Variants in LRMDA observed in about 807,000 individuals in gnomAD.
The protein encoded by LRMDA is leucine rich melanocyte differentiation associated, also known as leucine-rich melanocyte differentiation-associated protein.
A neutral mutation model predicts 29.8 loss-of-function variants in LRMDA; 18 were observed. The observed-to-expected ratio is 0.60, with a 90% CI of 0.42 to 0.90. The LOEUF is 0.90. Among genes scored for constraint, LRMDA ranks in the 40% least tolerant of loss-of-function variants. LRMDA has a pLI of 0.00. For missense variants in LRMDA, 273 were observed against 273.9 expected, an observed-to-expected ratio of 1.00 and a Z score of 0.02; for synonymous variants, 125 against 109.4, an observed-to-expected ratio of 1.14 and a Z score of -0.89.
intron 6 of LRMDA, among the ~76,000 whole-genome samples, chr10:76,372,911 T>C (rs979301058): frequency 2.0e-5 from 3 of 152,202 alleles, no homozygotes; most frequent in African/African-American, 7.2e-5. Flanking sequence ...AACTGTAGTC[T>C]ATGGAACACT....
intron 5 of LRMDA, among the ~76,000 whole-genome samples, chr10:76,120,489 A>C (rs1024080628): frequency 6.6e-6 from 1 of 152,132 alleles, no homozygotes; most frequent in South Asian, 2.1e-4. Context: ...TGCCTGGCCA[A>C]GTATGTGTTG....
At chr10:76,229,986 C>T (rs1328395354) in intron 5 of LRMDA, among the ~76,000 whole-genome samples, 1 of 152,018 alleles carries the variant, frequency 6.6e-6, no homozygotes, top group Non-Finnish European at 1.5e-5. Context: ...GCTGCCTTTC[C>T]CTGGAGCCCC....
intron 6 of LRMDA, among the ~76,000 whole-genome samples, chr10:76,425,789 T>C (rs1320174417): frequency 6.8e-6 from 1 of 147,942 alleles, no homozygotes; most frequent in African/African-American, 2.5e-5. Context: ...TGTGTGATGT[T>C]CCCCTTCCTG....
At chr10:75,543,224 C>T (rs555727426) in intron 2 of LRMDA, among the ~76,000 whole-genome samples, 2 of 152,334 alleles carry the variant, frequency 1.3e-5, no homozygotes, top group South Asian at 2.1e-4. Flanking sequence ...TTCCCTCTCT[C>T]GCATGAGGCC....
chr10:75,448,159 T>A (rs539135523), intron 2 of LRMDA, among the ~76,000 whole-genome samples: 7 of 152,344 alleles, frequency 4.6e-5, no homozygotes, highest in African/African-American at 1.7e-4. Flanking sequence ...ACTTGCAATA[T>A]AATTTAGAAA....
Position 76,422,016 on chromosome 10 carries a change from C to T in LRMDA, c.601+97531C>T, listed in dbSNP as rs372488238. 1.1e-4 allele frequency among the ~76,000 whole-genome samples: 17 copies of T among 152,274 alleles called. 1 individual carries two copies. The East Asian group carries it at 3.1e-3, about 28-fold the overall frequency. ...ATTTATTCCATGGGAAACTGGGCTG[C>T]AGACTTGGTGAGGACAGATCTATTT... On this transcript the variant is annotated intron_variant, in intron 6 of 6. Coordinates refer to ENST00000611255, the MANE Select transcript of LRMDA (RefSeq NM_001305581.2).
chr10:76,233,855 A>G (rs1392892640), intron 5 of LRMDA, among the ~76,000 whole-genome samples: 1 of 152,182 alleles, frequency 6.6e-6, no homozygotes, highest in East Asian at 1.9e-4. Context: ...TATTTCTACC[A>G]CATCTGCTGT....
intron 2 of LRMDA, among the ~76,000 whole-genome samples, chr10:75,991,347 C>T (rs998829268): frequency 1.3e-5 from 2 of 152,166 alleles, no homozygotes; most frequent in African/African-American, 4.8e-5. Flanking sequence ...CCCACCAGGG[C>T]TCTTCTGCCC....
chr10:75,573,790 T>C (rs1045835001), intron 2 of LRMDA, among the ~76,000 whole-genome samples: 1 of 152,202 alleles, frequency 6.6e-6, no homozygotes, highest in Non-Finnish European at 1.5e-5. Flanking sequence ...TTATTTTGTT[T>C]TTTTAACTGT....
At chr10:76,080,049 T>C (rs1306391897) in intron 5 of LRMDA, among the ~76,000 whole-genome samples, 1 of 152,148 alleles carries the variant, frequency 6.6e-6, no homozygotes, top group Non-Finnish European at 1.5e-5. Flanking sequence ...ATGTCTCAAG[T>C]TCTTCTTCCT....
At chr10:75,590,907 G>A (rs553788500) in intron 2 of LRMDA, among the ~76,000 whole-genome samples, 4 of 151,742 alleles carry the variant, frequency 2.6e-5, no homozygotes, top group East Asian at 1.9e-4. Flanking sequence ...CACCACACCC[G>A]GCAAATTTTT....
intron 6 of LRMDA, among the ~76,000 whole-genome samples, chr10:76,357,230 T>C (rs1564518813): frequency 6.6e-6 from 1 of 152,180 alleles, no homozygotes; most frequent in South Asian, 2.1e-4. Context: ...TGAAACTGTT[T>C]TGGAAGCTTT....
intron 5 of LRMDA, among the ~76,000 whole-genome samples, chr10:76,166,078 A>G (rs1850734127): frequency 6.6e-6 from 1 of 152,230 alleles, no homozygotes; most frequent in Non-Finnish European, 1.5e-5. Flanking sequence ...AGTGTCAGAT[A>G]ACTGTCAAGG....
chr10:75,822,030 G>T (rs1844170781), intron 2 of LRMDA, among the ~76,000 whole-genome samples: 1 of 152,106 alleles, frequency 6.6e-6, no homozygotes, highest in Non-Finnish European at 1.5e-5. Flanking sequence ...TGGGAAAGTG[G>T]AAGTCAAATT....
intron 2 of LRMDA, among the ~76,000 whole-genome samples, chr10:75,943,762 A>G (rs1415496985): frequency 6.6e-6 from 1 of 152,190 alleles, no homozygotes; most frequent in African/African-American, 2.4e-5. Context: ...AGCTTCATGA[A>G]ATAGTAGGGC....
At chr10:75,745,937 A>T (rs1388480999) in intron 2 of LRMDA, among the ~76,000 whole-genome samples, 1 of 152,324 alleles carries the variant, frequency 6.6e-6, no homozygotes, top group East Asian at 1.9e-4. Flanking sequence ...GGATTTTGGG[A>T]AAAGTACCAC....
chr10:75,712,370 C>A (rs1909691), intron 2 of LRMDA, among the ~76,000 whole-genome samples: 55,763 of 145,042 alleles, frequency 0.38, 16,121 homozygotes, highest in African/African-American at 0.81. Context: ...GAAAACGACA[C>A]GTGGCCGGCT....
chr10:75,656,548 CTT>C (rs1288062154), intron 2 of LRMDA, among the ~76,000 whole-genome samples: 1 of 152,106 alleles, frequency 6.6e-6, no homozygotes, highest in Non-Finnish European at 1.5e-5. Context: ...GTGAGGGAGT[CTT>C]TGCTTGGAGG....
intron 2 of LRMDA, among the ~76,000 whole-genome samples, chr10:75,902,201 C>T (rs1845686475): frequency 6.6e-6 from 1 of 152,184 alleles, no homozygotes. Flanking sequence ...GGGGTGCATG[C>T]CCGTGGCACC....
Sources: allele counts gnomAD v4.1 joint callset (sites outside exome capture counted in the v4.1 genomes callset), GRCh38; gene constraint gnomAD v4.1.1; transcripts MANE v1.5; gene names NCBI Gene and HGNC (gene_info 2026-07-23, HGNC 2026-07-21).